The following HOMER1 variants were observed in gnomAD, a reference collection of about 807,000 sequenced individuals.
The protein encoded by HOMER1 is homer scaffold protein 1.
Under a neutral mutation model 48.9 loss-of-function variants are expected in HOMER1, and 3 were observed. That is an observed-to-expected ratio of 0.06 (90% CI 0.03 to 0.16). HOMER1 has a LOEUF of 0.16. Ranked by LOEUF, HOMER1 falls within the 10% of genes least tolerant of loss-of-function variation. HOMER1 has a pLI of 1.00. For synonymous variants in HOMER1, 134 were observed against 146.4 expected (o/e 0.92, Z 0.61); for missense variants, 247 against 411.4 (o/e 0.60, Z 3.46).
chr5:79,513,906 A>ACGCTCCGCGCCGC lies in HOMER1; in HGVS notation c.-1145_-1133dup, dbSNP rs1753019851. 1 of 154,708 alleles carries ACGCTCCGCGCCGC rather than the reference A, an allele frequency of 6.5e-6. No individual in the cohort carries two copies. Among genetic ancestry groups the ACGCTCCGCGCCGC allele is most frequent in the Admixed American group, 6.6e-5 (1 of 15,266 alleles). The allele number at this position is 154,708 out of a possible 1,614,324, so 9.6% of individuals were successfully genotyped here. The stretch of plus-strand genomic sequence containing the variant: ...CCCCCACCCCTACTCCTCGTCTCTC[A>ACGCTCCGCGCCGC]CGCTCCGCGCCGCCGCCACGCGCCG... On this transcript the variant is annotated 5_prime_UTR_variant, in exon 1 of 9. Coordinates refer to ENST00000334082, the MANE Select transcript of HOMER1 (RefSeq NM_004272.5).
chr5:79,472,680 G>A (rs960855526), intron 1 of HOMER1, among the ~76,000 whole-genome samples: 7 of 152,052 alleles, frequency 4.6e-5, no homozygotes, highest in East Asian at 3.9e-4. Flanking sequence ...TCAGGAGACC[G>A]AGGCAGGAGG....
intron 6 of HOMER1, among the ~76,000 whole-genome samples, chr5:79,400,291 T>G (rs776822560): frequency 1.3e-5 from 2 of 152,056 alleles, no homozygotes; most frequent in African/African-American, 4.8e-5. Context: ...ACACACAGGA[T>G]AGAATAACAT....
At chr5:79,492,510 C>T (rs1201933083) in intron 1 of HOMER1, among the ~76,000 whole-genome samples, 2 of 149,234 alleles carry the variant, frequency 1.3e-5, no homozygotes, top group Non-Finnish European at 3.0e-5. Context: ...AAAAAAAAAA[C>T]CCACCGTATT....
At chr5:79,476,831 G>A (rs974353288) in intron 1 of HOMER1, among the ~76,000 whole-genome samples, 2 of 152,082 alleles carry the variant, frequency 1.3e-5, no homozygotes, top group African/African-American at 4.8e-5. Context: ...CGACAACCAT[G>A]TCAAAATGTG....
chr5:79,442,053 AAT>A (rs1750752666), intron 4 of HOMER1, among the ~76,000 whole-genome samples: 1 of 152,014 alleles, frequency 6.6e-6, no homozygotes, highest in South Asian at 2.1e-4. Context: ...AAACAGATGA[AAT>A]AATCTTTTCT....
chr5:79,430,704 C>T (rs150769085), intron 5 of HOMER1, among the ~76,000 whole-genome samples: 4,190 of 152,066 alleles, frequency 0.028, 134 homozygotes, highest in East Asian at 0.12. Flanking sequence ...TTTGGGAGGC[C>T]GAGGCGGGTG....
intron 8 of HOMER1, among the ~76,000 whole-genome samples, chr5:79,379,873 T>G (rs1398117617): frequency 1.3e-5 from 2 of 152,116 alleles, no homozygotes; most frequent in African/African-American, 4.8e-5. Flanking sequence ...TGTTCAGCCC[T>G]GATAAAGCAC....
chr5:79,473,389 C>T (rs1751674532), intron 1 of HOMER1, among the ~76,000 whole-genome samples: 1 of 152,144 alleles, frequency 6.6e-6, no homozygotes, highest in Middle Eastern at 3.2e-3. Flanking sequence ...CAAGACAATT[C>T]TTCCTCTTCC....
intron 1 of HOMER1, among the ~76,000 whole-genome samples, chr5:79,504,396 T>C (rs569235764): frequency 3.1e-4 from 39 of 126,500 alleles, no homozygotes; most frequent in Admixed American, 2.2e-3. Context: ...AGCACTGTTT[T>C]ACAAAAGAAT....
At chr5:79,441,166 T>C (rs1415971958) in intron 4 of HOMER1, among the ~76,000 whole-genome samples, 1 of 151,582 alleles carries the variant, frequency 6.6e-6, no homozygotes, top group Non-Finnish European at 1.5e-5. Context: ...AAATAAAAAA[T>C]AAAAATAAAA....
chr5:79,378,426 T>C (rs1270886902), intron 8 of HOMER1, among the ~76,000 whole-genome samples: 1 of 151,742 alleles, frequency 6.6e-6, no homozygotes, highest in Non-Finnish European at 1.5e-5. Context: ...TATTGACTGT[T>C]AGATGTTAGC....
intron 5 of HOMER1, among the ~76,000 whole-genome samples, chr5:79,418,893 C>A (rs749636235): frequency 6.6e-6 from 1 of 152,176 alleles, no homozygotes; most frequent in East Asian, 1.9e-4. Context: ...ACACAGAGAT[C>A]ACTGAAAAAT....
rs756900477 is a variant in HOMER1, at chr5:79,378,221, T to TTAAAAA, written c.877-2025_877-2024insTTTTTA. Among the ~76,000 whole-genome samples the TTAAAAA allele has an allele frequency of 1.1e-4, 11 of 97,484 alleles. 2 individuals are homozygous for TTAAAAA. Among genetic ancestry groups the TTAAAAA allele is most frequent in the East Asian group, 3.0e-4 (1 of 3,378 alleles). 64.0% of individuals were successfully genotyped at this position (97,484 alleles called of 152,430 possible). ...TGGGGTGACAGAGTAAGACTCTGTC[T>TTAAAAA]CAAAAAAAAAAAAAAAAAAAGGAAA... On this transcript the variant is annotated intron_variant, in intron 8 of 8. Coordinates refer to ENST00000334082, the MANE Select transcript of HOMER1 (RefSeq NM_004272.5).
In HOMER1 at chr5:79,379,267, T is replaced by TATATTATATATATCTATTATATATATTAA. The variant is rs1561340613; in HGVS notation, c.877-3099_877-3071dup. 2.6e-4 allele frequency among the ~76,000 whole-genome samples: 21 copies of TATATTATATATATCTATTATATATATTAA among 81,542 alleles called. 1 individual carries two copies. The East Asian group carries it at 5.3e-3, about 21-fold the overall frequency. 53.5% of individuals were successfully genotyped at this position (81,542 alleles called of 152,430 possible). ...TTATATATATCTATTATATATATTA[T>TATATTATATATATCTATTATATATATTAA]ATATTATATATATCTATTATATATA... On this transcript the variant is annotated intron_variant, in intron 8 of 8. Transcript: ENST00000334082.
chr5:79,458,729 G>A lies in HOMER1; in HGVS notation c.6-1711C>T, dbSNP rs71634976. On this transcript the variant is annotated intron_variant, in intron 1 of 8. Coordinates refer to ENST00000334082, the MANE Select transcript of HOMER1 (RefSeq NM_004272.5). The stretch of plus-strand genomic sequence containing the variant: ...TATTTTGTGCCACTCCCTAAAAAAT[G>A]AAGTGGAGCCATTACTTCTTGTTTA... Among the ~76,000 whole-genome samples the A allele has an allele frequency of 9.8e-3, 1,498 of 152,228 alleles. 6 individuals carry two copies. Among genetic ancestry groups the A allele is most frequent in the Middle Eastern group, 0.037 (11 of 294 alleles).
At chr5:79,470,936 T>C (rs1751598611) in intron 1 of HOMER1, among the ~76,000 whole-genome samples, 1 of 152,000 alleles carries the variant, frequency 6.6e-6, no homozygotes, top group South Asian at 2.1e-4. Flanking sequence ...AAAAAATACA[T>C]GGAGGATACA....
chr5:79,499,143 C>T (rs1315863814), intron 1 of HOMER1, among the ~76,000 whole-genome samples: 1 of 152,054 alleles, frequency 6.6e-6, no homozygotes, highest in Non-Finnish European at 1.5e-5. Flanking sequence ...CAAGTCTCCA[C>T]TTTTAAGCTC....
intron 1 of HOMER1, among the ~76,000 whole-genome samples, chr5:79,505,319 G>A (rs1580047451): frequency 6.6e-6 from 1 of 152,256 alleles, no homozygotes; most frequent in East Asian, 1.9e-4. Context: ...TGGAAAGGGG[G>A]GGAATCATGG....
chr5:79,426,887 G>T (rs1294744753), intron 5 of HOMER1, among the ~76,000 whole-genome samples: 1 of 152,002 alleles, frequency 6.6e-6, no homozygotes, highest in Non-Finnish European at 1.5e-5. Context: ...TTGTATGTTT[G>T]TATCAAAATA....
Sources: allele counts gnomAD v4.1 joint callset (sites outside exome capture counted in the v4.1 genomes callset), GRCh38; gene constraint gnomAD v4.1.1; transcripts MANE v1.5; gene names NCBI Gene and HGNC (gene_info 2026-07-23, HGNC 2026-07-21).